KCNH8: variants seen among roughly 807,000 people sequenced by gnomAD.
KCNH8 encodes the protein voltage-gated delayed rectifier potassium channel KCNH8.
A neutral mutation model predicts 103.6 loss-of-function variants in KCNH8; 70 were observed. The ratio of observed to expected loss-of-function variants is 0.68; its 90% confidence interval spans 0.56 to 0.82. The LOEUF (loss-of-function observed/expected upper bound fraction) is 0.82, where lower values mean the gene tolerates loss of function less well. KCNH8 is among the 40% of genes least tolerant of loss of function. KCNH8 has a pLI of 0.00. For synonymous variants in KCNH8, 498 were observed against 489.4 expected, an observed-to-expected ratio of 1.02 and a Z score of -0.23; for missense variants, 1,217 against 1,329.9, an observed-to-expected ratio of 0.92 and a Z score of 1.32.
At chr3:19,169,258 T>TC (rs1300171332) in intron 1 of KCNH8, among the ~76,000 whole-genome samples, 6 of 141,294 alleles carry the variant, frequency 4.2e-5, no homozygotes, top group African/African-American at 1.7e-4. Flanking sequence ...TTTCTTTCTT[T>TC]TTTTTTTTTT....
chr3:19,323,435 C>T (rs1037909284), intron 3 of KCNH8, among the ~76,000 whole-genome samples: 1 of 151,894 alleles, frequency 6.6e-6, no homozygotes, highest in Non-Finnish European at 1.5e-5. Flanking sequence ...GGTGACAGAG[C>T]AAGACTGTGT....
At chr3:19,256,886 T>A (rs1169409005) in intron 2 of KCNH8, among the ~76,000 whole-genome samples, 2 of 152,062 alleles carry the variant, frequency 1.3e-5, no homozygotes, top group African/African-American at 4.8e-5. Context: ...GACTGAAAAT[T>A]GCCATCTACC....
At chr3:19,461,375 A>C (rs17005988) in intron 11 of KCNH8, among the ~76,000 whole-genome samples, 1 of 152,156 alleles carries the variant, frequency 6.6e-6, no homozygotes, top group African/African-American at 2.4e-5. Context: ...GCACTCCCCA[A>C]GCATACTGTG....
chr3:19,383,721 T>C (rs1278933808), intron 5 of KCNH8, among the ~76,000 whole-genome samples: 1 of 152,168 alleles, frequency 6.6e-6, no homozygotes, highest in Non-Finnish European at 1.5e-5. Flanking sequence ...TAATATTTAC[T>C]TCAAATGAAA....
rs547723711 is a variant in KCNH8, at chr3:19,477,804, C to CAA, written c.2040+20823_2040+20824dup. Among the ~76,000 whole-genome samples, 456 of 152,216 alleles carry CAA rather than the reference C, an allele frequency of 3.0e-3. 2 individuals are homozygous for CAA. The highest frequency in any genetic ancestry group is 0.011 in the African/African-American group (445 of 41,548). ...ATTTATTATTTACATTTAGGAAATA[C>CAA]AAGTACAGATTCCTTACATTCATAT... is the stretch of plus-strand genomic sequence containing the variant. On this transcript the variant is annotated intron_variant, in intron 11 of 15. Coordinates refer to ENST00000328405, the MANE Select transcript of KCNH8 (RefSeq NM_144633.3).
intron 1 of KCNH8, among the ~76,000 whole-genome samples, chr3:19,211,275 A>G (rs188849163): frequency 6.6e-5 from 10 of 152,316 alleles, no homozygotes; most frequent in Non-Finnish European, 1.2e-4. Context: ...GTAGAAGTGC[A>G]TGATTTATTT....
chr3:19,153,815 G>A (rs1182445597), intron 1 of KCNH8, among the ~76,000 whole-genome samples: 2 of 151,562 alleles, frequency 1.3e-5, no homozygotes, highest in African/African-American at 2.4e-5. Flanking sequence ...TGCATTTTTA[G>A]TAGAGACGGG....
intron 2 of KCNH8, among the ~76,000 whole-genome samples, chr3:19,264,374 C>T (rs968727014): frequency 5.3e-5 from 8 of 152,012 alleles, no homozygotes; most frequent in South Asian, 2.1e-4. Flanking sequence ...TTCTTCTTTT[C>T]GTCTATCTGA....
intron 11 of KCNH8, among the ~76,000 whole-genome samples, chr3:19,470,701 G>A (rs2067837588): frequency 6.6e-6 from 1 of 152,184 alleles, no homozygotes; most frequent in South Asian, 2.1e-4. Context: ...GAGAAAGAGG[G>A]TGGGTAGGCA....
rs781461081 is a variant in KCNH8 at position 19,253,655 on chromosome 3, T to C, written c.78T>C (p.His26=). The C allele has an allele frequency of 1.2e-6, 2 of 1,608,704 alleles. No individual in the cohort carries two copies. The highest frequency in any genetic ancestry group is 2.2e-5 in the East Asian group (1 of 44,822). The change falls in exon 2 of 16, where the codon CAT becomes CAC. Residue 26 remains histidine, a splice_region_variant and synonymous_variant. Transcript: ENST00000328405. The stretch of plus-strand genomic sequence containing the variant: ...TATCTTCTCCTTGTTTTTCTATAGA[T>C]AGCAACTTCATCCTTGCCAATGCCC... The part of the protein sequence containing the change: ...DTIATRFDGT[H]SNFILANAQV...
intron 3 of KCNH8, among the ~76,000 whole-genome samples, chr3:19,282,815 G>A (rs1252081264): frequency 6.6e-6 from 1 of 152,044 alleles, no homozygotes; most frequent in East Asian, 1.9e-4. Context: ...ACTCATTTTT[G>A]CCATCCACGT....
At chr3:19,216,769 G>T (rs2063822315) in intron 1 of KCNH8, among the ~76,000 whole-genome samples, 1 of 152,156 alleles carries the variant, frequency 6.6e-6, no homozygotes. Flanking sequence ...CAGTTTTGTA[G>T]CAGTTAGAGC....
At chr3:19,233,082 A>C (rs186956598) in intron 1 of KCNH8, among the ~76,000 whole-genome samples, 5 of 53,874 alleles carry the variant, frequency 9.3e-5, no homozygotes, top group African/African-American at 3.9e-4. Flanking sequence ...ACCCCACTAC[A>C]TAAATTGAGC....
At chr3:19,314,100 C>T (rs1415617306) in intron 3 of KCNH8, among the ~76,000 whole-genome samples, 1 of 151,890 alleles carries the variant, frequency 6.6e-6, no homozygotes, top group African/African-American at 2.4e-5. Flanking sequence ...GCTGGGTCAT[C>T]ATACTTTCTC....
In KCNH8 at chr3:19,197,178, A is replaced by G. The variant is rs367867845; in HGVS notation, c.76+48383A>G. On this transcript the variant is annotated intron_variant, in intron 1 of 15. Coordinates refer to ENST00000328405, the MANE Select transcript of KCNH8 (RefSeq NM_144633.3). Reference sequence around the variant, plus strand: ...TTTGTCCTTCCCCTCAGTGACTTCCATGGTCAGTTAGAAATATTTTGAACT... The same window carrying G: ...TTTGTCCTTCCCCTCAGTGACTTCCGTGGTCAGTTAGAAATATTTTGAACT... 1.1e-3 allele frequency among the ~76,000 whole-genome samples: 173 copies of G among 152,086 alleles called. 4 individuals carry two copies. The highest frequency in any genetic ancestry group is 3.7e-3 in the African/African-American group (154 of 41,510).
At chr3:19,475,805 T>C (rs2067961271) in intron 11 of KCNH8, among the ~76,000 whole-genome samples, 1 of 152,166 alleles carries the variant, frequency 6.6e-6, no homozygotes, top group Non-Finnish European at 1.5e-5. Context: ...AGAACTATTA[T>C]TGAGGGAGCA....
At chr3:19,465,139 T>C (rs901435427) in intron 11 of KCNH8, among the ~76,000 whole-genome samples, 2 of 152,224 alleles carry the variant, frequency 1.3e-5, no homozygotes, top group African/African-American at 4.8e-5. Flanking sequence ...GAAGATGCCA[T>C]CTAGGAATTT....
intron 5 of KCNH8, among the ~76,000 whole-genome samples, chr3:19,379,804 T>C (rs1559299267): frequency 1.3e-5 from 2 of 152,206 alleles, no homozygotes; most frequent in Non-Finnish European, 2.9e-5. Flanking sequence ...CTTAGGCTTA[T>C]AGTTTGTGGC....
chr3:19,486,223 T>TA (rs746287781), intron 11 of KCNH8, among the ~76,000 whole-genome samples: 13 of 152,358 alleles, frequency 8.5e-5, no homozygotes, highest in East Asian at 3.9e-4. Flanking sequence ...CCAACACCTC[T>TA]ACACAGTTAT....
Sources: allele counts gnomAD v4.1 joint callset (sites outside exome capture counted in the v4.1 genomes callset), GRCh38; gene constraint gnomAD v4.1.1; transcripts MANE v1.5; gene names NCBI Gene and HGNC (gene_info 2026-07-23, HGNC 2026-07-21).